The following ABHD11 variants were observed in gnomAD, a reference collection of about 807,000 sequenced individuals.
ABHD11 encodes the protein sn-1-specific diacylglycerol lipase ABHD11.
Under a neutral mutation model 29.0 loss-of-function variants are expected in ABHD11, and 26 were observed. That is an observed-to-expected ratio of 0.90 (90% confidence interval 0.66 to 1.24). The LOEUF is 1.24. Among genes scored for constraint, ABHD11 ranks in the 50% most tolerant of loss-of-function variants. The pLI is 0.00. For missense variants in ABHD11, 381 were observed against 422.4 expected, an observed-to-expected ratio of 0.90 and a Z score of 0.86; for synonymous variants, 169 against 166.4, an observed-to-expected ratio of 1.02 and a Z score of -0.12.
Position 73,738,422 on chromosome 7 carries a change from G to T in ABHD11, c.167C>A (p.Ala56Asp), listed in dbSNP as rs781957373. 6.2e-7 allele frequency: 1 copy of T among 1,611,150 alleles called. No individual in the cohort carries two copies. The highest frequency in any genetic ancestry group is 1.1e-5 in the South Asian group (1 of 90,612). ...GTGCAAAAAGACGACGGCCGGGAGG[G>T]CTGCCTCCCCGTCCAGAAGCCTGTA... The part of the protein sequence containing the change: ...LSYRLLDGEA[A>D]LPAVVFLHGL... The change falls in exon 2 of 6, where the codon GCC becomes GAC. Residue 56 changes from alanine to aspartate, a missense_variant. By Grantham distance (126) the Ala-to-Asp change is moderately radical. Coordinates refer to ENST00000222800, the MANE Select transcript of ABHD11 (RefSeq NM_148912.4).
At chr7:73,736,871 C>G in intron 5 of ABHD11, 58 bp downstream of exon 5, 1 of 1,587,772 alleles carries the variant, frequency 6.3e-7, no homozygotes, top group Non-Finnish European at 8.6e-7. Context: ...TGGTAGGGTC[C>G]CCAGGCTGGG....
At chr7:73,737,487 G>A in intron 3 of ABHD11, 75 bp downstream of exon 3, 2 of 1,561,102 alleles carry the variant, frequency 1.3e-6, no homozygotes, top group East Asian at 4.5e-5. Context: ...CAACGATCAT[G>A]TGAGTCCCAG....
At chr7:73,737,534 G>A (rs1554622321) in intron 3 of ABHD11, 28 bp downstream of exon 3, 3 of 1,577,122 alleles carry the variant, frequency 1.9e-6, no homozygotes, top group Non-Finnish European at 1.7e-6. Flanking sequence ...TACTGAATGG[G>A]AGGAGGCCCC....
rs782483754 is a variant in ABHD11, at chr7:73,736,918, G to A, written c.788+11C>T. The stretch of plus-strand genomic sequence containing the variant: ...TAAAGCATGCCCCTCCTACTACCCA[G>A]GCTAGCTTACTGCACGAACTGGGAG... On this transcript the variant is annotated intron_variant, in intron 5 of 5. Coordinates refer to ENST00000222800, the MANE Select transcript of ABHD11 (RefSeq NM_148912.4). 6.2e-7 allele frequency: 1 copy of A among 1,612,094 alleles called. No homozygotes were observed.
intron 2 of ABHD11, chr7:73,737,951 G>T: frequency 1.2e-6 from 1 of 850,628 alleles, no homozygotes; most frequent in Non-Finnish European, 2.0e-6. Context: ...CCACGTCTCT[G>T]AAGGGCTGGC....
Position 73,736,665 on chromosome 7 carries a change from C to A in ABHD11, c.815G>T (p.Arg272Leu), listed in dbSNP as rs369972809. 1.9e-6 allele frequency: 3 copies of A among 1,613,882 alleles called. No individual in the cohort carries two copies. The highest frequency in any genetic ancestry group is 2.5e-6 in the Non-Finnish European group (3 of 1,180,018). ...CTGCATCTGGGCCCGAGGGAAGAGC[C>A]GCATAATCTCAGGGTGGTGGCTGGG... ...VHPSHHPEIM[R>L]LFPRAQMQTV... is the part of the protein sequence containing the mutation. The change falls in exon 6 of 6, where the codon CGG (arginine) becomes CTG (leucine). Residue 272 changes from arginine to leucine, a missense_variant. Arg to Leu is a moderately radical substitution (Grantham distance 102). Coordinates refer to ENST00000222800, the MANE Select transcript of ABHD11 (RefSeq NM_148912.4).
chr7:73,737,395 T>G lies in ABHD11; in HGVS notation c.436-4A>C, dbSNP rs1800013514. On this transcript the variant is annotated splice_region_variant and splice_polypyrimidine_tract_variant and intron_variant, in intron 3 of 5. Transcript: ENST00000222800. The stretch of plus-strand genomic sequence containing the variant: ...TGAGACGTTCCACCAGCTCTGGCTG[T>G]GGGAGAGAACCGAACTGGGACCAGT... The G allele has an allele frequency of 6.2e-7, 1 of 1,609,750 alleles. No homozygotes were observed. The highest frequency in any genetic ancestry group is 1.3e-5 in the African/African-American group (1 of 74,874).
chr7:73,738,755 G>A lies in ABHD11; in HGVS notation c.16C>T (p.Arg6Ter). 1 of 1,608,858 alleles carries A rather than the reference G, an allele frequency of 6.2e-7. No homozygotes were observed. Among genetic ancestry groups the A allele is most frequent in the East Asian group, 2.2e-5 (1 of 44,670 alleles). MLRWT[R>*]AWRLPREGLG... is the part of the protein sequence containing the mutation. ...CCCTCACGCGGGAGCCTCCAGGCTC[G>A]GGTCCAGCGGAGCATGCTTGCAAGC... Residue 6 changes from arginine to a stop codon, truncating the protein, a stop_gained, in exon 1 of 6, where the codon CGA (arginine) becomes TGA (stop). Transcript: ENST00000222800. LOFTEE classifies it high-confidence loss of function.
intron 2 of ABHD11, 179 bp downstream of exon 2, chr7:73,738,149 C>G: frequency 9.0e-7 from 1 of 1,117,030 alleles, no homozygotes; most frequent in South Asian, 1.3e-5. Context: ...AGATCTACAA[C>G]ATGAATTAAT....
chr7:73,736,350 C>T lies in ABHD11; in HGVS notation c.*209G>A, dbSNP rs112259478. On this transcript the variant is annotated 3_prime_UTR_variant, in exon 6 of 6. Coordinates refer to ENST00000222800, the MANE Select transcript of ABHD11 (RefSeq NM_148912.4). ...TGCCTCCAGGGTTCAAGTGATTCTC[C>T]TGCCTCAGCCTCCAGAGTAGCTGGG... 1 of 599,976 alleles carries T rather than the reference C, an allele frequency of 1.7e-6. No individual in the cohort carries two copies. The allele number at this position is 599,976 out of a possible 1,614,324, so 37.2% of individuals were successfully genotyped here.
chr7:73,736,429 A>G lies in ABHD11; in HGVS notation c.*130T>C, dbSNP rs1799876000. 1 of 1,244,074 alleles carries G rather than the reference A, an allele frequency of 8.0e-7. No homozygotes were observed. The highest frequency in any genetic ancestry group is 1.4e-5 in the South Asian group (1 of 72,442). The allele number at this position is 1,244,074 out of a possible 1,614,324, so 77.1% of individuals were successfully genotyped here. ...TAATTTTTGTATTTTTAGTAGAGAC[A>G]GGGTTTCACCATGTTGGCCAGGCTG... is the stretch of plus-strand genomic sequence containing the variant. On this transcript the variant is annotated 3_prime_UTR_variant, in exon 6 of 6. Coordinates refer to ENST00000222800, the MANE Select transcript of ABHD11 (RefSeq NM_148912.4).
At chr7:73,738,515 G>T (rs1800207881) in intron 1 of ABHD11, 52 bp from the exon 2 acceptor site, 3 of 1,583,092 alleles carry the variant, frequency 1.9e-6, no homozygotes, top group Non-Finnish European at 2.6e-6. Context: ...GACGGGGAAA[G>T]GGGTAGGGGG....
At chr7:73,737,530 A>G in intron 3 of ABHD11, 32 bp downstream of exon 3, 1 of 1,575,364 alleles carries the variant, frequency 6.3e-7, no homozygotes. Context: ...TATATACTGA[A>G]TGGGAGGAGG....
chr7:73,738,184 A>G (rs1800128516), intron 2 of ABHD11, 144 bp downstream of exon 2: 1 of 1,297,062 alleles, frequency 7.7e-7, no homozygotes, highest in African/African-American at 1.5e-5. Flanking sequence ...GAGGGAATAA[A>G]TGGGGTTGCC....
rs782265860 is a variant in ABHD11, at chr7:73,737,113, G to A, written c.607-3C>T. ...AGGTGCTGCCGCACGGCCATGTCCT[G>A]TGGGGGTGCAGCAGTTGGGGGAGGT... On this transcript the variant is annotated splice_region_variant and splice_polypyrimidine_tract_variant and intron_variant, in intron 4 of 5. Transcript: ENST00000222800. The A allele has an allele frequency of 3.1e-6, 5 of 1,613,740 alleles. No homozygotes were observed. The highest frequency in any genetic ancestry group is 4.2e-6 in the Non-Finnish European group (5 of 1,180,042).
chr7:73,738,281 C>CCCCA, intron 2 of ABHD11, 47 bp downstream of exon 2: 1 of 1,451,904 alleles, frequency 6.9e-7, no homozygotes. Context: ...CAGGCCCCGC[C>CCCCA]CACTCCCGCC....
At chr7:73,738,513 A>G in intron 1 of ABHD11, 50 bp from the exon 2 acceptor site, 1 of 1,586,518 alleles carries the variant, frequency 6.3e-7, no homozygotes, top group Non-Finnish European at 8.6e-7. Context: ...GAGACGGGGA[A>G]AGGGGTAGGG....
rs200259168 is a variant in ABHD11, at chr7:73,737,138, T to C, written c.607-28A>G. On this transcript the variant is annotated intron_variant, in intron 4 of 5. Transcript: ENST00000222800. ...GTGGGGGTGCAGCAGTTGGGGGAGG[T>C]TCCTTGTGCGGTCTGGGGGTGCCAC... is the stretch of plus-strand genomic sequence containing the variant. The C allele has an allele frequency of 6.8e-6, 11 of 1,613,448 alleles. No homozygotes were observed. In the African/African-American group the frequency reaches 1.1e-4, roughly 16 times the overall value.
Position 73,738,756 on chromosome 7 carries a change from G to A in ABHD11, c.15C>T (p.Thr5=). MLRW[T]RAWRLPREGL... ...CCTCACGCGGGAGCCTCCAGGCTCG[G>A]GTCCAGCGGAGCATGCTTGCAAGCT... Residue 5 remains threonine (T), a synonymous_variant, in exon 1 of 6, where the codon ACC becomes ACT. Transcript: ENST00000222800. The A allele has an allele frequency of 6.2e-7, 1 of 1,608,994 alleles. No homozygotes were observed. Among genetic ancestry groups the A allele is most frequent in the Non-Finnish European group, 8.5e-7 (1 of 1,177,524 alleles).
Sources: gnomAD v4.1 joint callset for allele counts on GRCh38, gnomAD v4.1.1 for gene constraint, MANE v1.5 for transcripts, NCBI Gene and HGNC (gene_info 2026-07-23, HGNC 2026-07-21) for gene names.